Variants in HIVEP3 observed in about 807,000 individuals in gnomAD.
HIVEP3 encodes transcription factor HIVEP3.
A neutral mutation model predicts 152.8 loss-of-function variants in HIVEP3; 49 were observed. That is an observed-to-expected ratio of 0.32 (90% CI 0.26 to 0.41). The LOEUF (loss-of-function observed/expected upper bound fraction) is 0.41. HIVEP3 is among the 10% of genes least tolerant of loss of function. The pLI is 1.00. For synonymous variants in HIVEP3, 1,269 were observed against 1,289.0 expected, an observed-to-expected ratio of 0.98 and a Z score of 0.33; for missense variants, 2,790 against 3,103.3, an observed-to-expected ratio of 0.90 and a Z score of 2.40.
chr1:41,795,322 C>T (rs779901006), intron 1 of HIVEP3, among the ~76,000 whole-genome samples: 33 of 152,210 alleles, frequency 2.2e-4, no homozygotes, highest in Middle Eastern at 3.4e-3. Flanking sequence ...TATGTTTTCT[C>T]GTGATTAAAC....
At chr1:41,557,815 A>G (rs1226810861) in intron 5 of HIVEP3, among the ~76,000 whole-genome samples, 1 of 152,192 alleles carries the variant, frequency 6.6e-6, no homozygotes, top group Non-Finnish European at 1.5e-5. Context: ...TCTTGTTTCA[A>G]CGGTGACCCC....
chr1:41,731,430 G>A (rs1316128533), intron 1 of HIVEP3, among the ~76,000 whole-genome samples: 1 of 152,220 alleles, frequency 6.6e-6, no homozygotes, highest in Non-Finnish European at 1.5e-5. Context: ...AGCAGGTGCT[G>A]GGGGTAGTCA....
At chr1:41,586,473 C>G (rs1644507987) in intron 3 of HIVEP3, among the ~76,000 whole-genome samples, 1 of 152,236 alleles carries the variant, frequency 6.6e-6, no homozygotes, top group South Asian at 2.1e-4. Flanking sequence ...TCTCAGGTGT[C>G]CATCCCCTGG....
At chr1:41,957,294 T>A (rs1465358620) in intron 1 of HIVEP3, among the ~76,000 whole-genome samples, 1 of 152,192 alleles carries the variant, frequency 6.6e-6, no homozygotes, top group Non-Finnish European at 1.5e-5. Flanking sequence ...AATCCAAAAC[T>A]GTTACTATAC....
At chr1:41,896,801 C>T (rs1644536075) in intron 1 of HIVEP3, among the ~76,000 whole-genome samples, 2 of 152,046 alleles carry the variant, frequency 1.3e-5, no homozygotes, top group South Asian at 4.2e-4. Flanking sequence ...GTCTCAATCT[C>T]CTGACCTCGT....
At chr1:41,797,071 C>T (rs1007081034) in intron 1 of HIVEP3, among the ~76,000 whole-genome samples, 3 of 152,214 alleles carry the variant, frequency 2.0e-5, no homozygotes, top group African/African-American at 7.2e-5. Flanking sequence ...CTTTCTCACT[C>T]AGAGTTCTCC....
chr1:41,878,211 G>GAGT (rs1401984531), intron 1 of HIVEP3, among the ~76,000 whole-genome samples: 1 of 152,182 alleles, frequency 6.6e-6, no homozygotes, highest in East Asian at 1.9e-4. Context: ...TAAGCACCAT[G>GAGT]AGTTGGCACT....
Position 41,511,227 on chromosome 1 carries a change from G to A in HIVEP3, c.6445C>T (p.Pro2149Ser). Residue 2149 changes from proline to serine, a missense_variant, in exon 9 of 9, where the codon CCT becomes TCT. Pro to Ser is a moderately conservative substitution (Grantham distance 74). Coordinates refer to ENST00000372583, the MANE Select transcript of HIVEP3 (RefSeq NM_024503.5). This position sits in a 1 kb window ranked among gnomAD's most constrained non-coding sequence, Gnocchi z 4.9. ...GGTCGGGAGGAGAGAGGATGAGCAGGGCCGGGTGAGCAGGAGGGACTTCGG... is the reference window on the plus strand; with the variant it reads ...GGTCGGGAGGAGAGAGGATGAGCAGAGCCGGGTGAGCAGGAGGGACTTCGG... The part of the protein sequence containing the change: ...ESRSPSCSPG[P>S]AHPLSSRPFS... 1 of 1,612,854 alleles carries A rather than the reference G, an allele frequency of 6.2e-7. No individual in the cohort carries two copies.
intron 3 of HIVEP3, among the ~76,000 whole-genome samples, chr1:41,611,597 G>C (rs1644897515): frequency 6.6e-6 from 1 of 152,216 alleles, no homozygotes; most frequent in African/African-American, 2.4e-5. Context: ...GGCAGGCAGG[G>C]GGTCTGCAGT....
intron 1 of HIVEP3, among the ~76,000 whole-genome samples, chr1:41,837,090 C>T (rs1019612479): frequency 4.6e-5 from 7 of 152,192 alleles, no homozygotes; most frequent in South Asian, 4.1e-4. Flanking sequence ...CAATAATTCC[C>T]GCCCAATGGC....
intron 1 of HIVEP3, among the ~76,000 whole-genome samples, chr1:41,834,509 C>T (rs1379560610): frequency 6.6e-6 from 1 of 152,204 alleles, no homozygotes; most frequent in East Asian, 1.9e-4. Context: ...AAGGGTCTGA[C>T]TCAGGCAGAA....
At chr1:41,630,296 G>T (rs758167053) in intron 2 of HIVEP3, among the ~76,000 whole-genome samples, 1 of 152,044 alleles carries the variant, frequency 6.6e-6, no homozygotes, top group African/African-American at 2.4e-5. Flanking sequence ...GAGAGGGAGG[G>T]ACAAGGGCTG....
At chr1:41,728,656 G>C (rs1166331481) in intron 1 of HIVEP3, among the ~76,000 whole-genome samples, 1 of 152,204 alleles carries the variant, frequency 6.6e-6, no homozygotes, top group Non-Finnish European at 1.5e-5. Flanking sequence ...CATGCCACTG[G>C]GGATGCTACA....
chr1:41,952,422 G>GTTCA (rs142386133), intron 1 of HIVEP3, among the ~76,000 whole-genome samples: 13,658 of 151,052 alleles, frequency 0.09, 1,368 homozygotes, highest in African/African-American at 0.24. Flanking sequence ...ATTTTCTTTT[G>GTTCA]TTCATTCATT....
intron 1 of HIVEP3, among the ~76,000 whole-genome samples, chr1:41,904,799 G>C (rs1157755796): frequency 6.6e-6 from 1 of 152,224 alleles, no homozygotes; most frequent in Non-Finnish European, 1.5e-5. Context: ...TCTGGATTAA[G>C]GGCTGTGAGG....
intron 1 of HIVEP3, among the ~76,000 whole-genome samples, chr1:41,712,990 G>T (rs1301480427): frequency 6.6e-6 from 1 of 152,188 alleles, no homozygotes; most frequent in African/African-American, 2.4e-5. Flanking sequence ...AAGTCTTGGT[G>T]TCAGACACAC....
chr1:41,530,339 G>A (rs1643209015), intron 5 of HIVEP3, among the ~76,000 whole-genome samples: 1 of 152,222 alleles, frequency 6.6e-6, no homozygotes, highest in Non-Finnish European at 1.5e-5. Flanking sequence ...CTGTGGCCAA[G>A]CACGAGGCAT....
At chr1:41,739,990 C>A (rs1324578666) in intron 1 of HIVEP3, among the ~76,000 whole-genome samples, 1 of 152,222 alleles carries the variant, frequency 6.6e-6, no homozygotes, top group African/African-American at 2.4e-5. Flanking sequence ...ACGGCATAAC[C>A]AGGAAGTTGT....
intron 1 of HIVEP3, among the ~76,000 whole-genome samples, chr1:41,987,149 T>C (rs1645328480): frequency 2.0e-5 from 3 of 152,204 alleles, no homozygotes; most frequent in Admixed American, 1.3e-4. Context: ...GTTTCTGCCC[T>C]CTTGAAGCTT....
Sources: allele counts gnomAD v4.1 joint callset (sites outside exome capture counted in the v4.1 genomes callset), GRCh38; gene constraint gnomAD v4.1.1; non-coding constraint Gnocchi (gnomAD v3.1); transcripts MANE v1.5; gene names NCBI Gene and HGNC (gene_info 2026-07-23, HGNC 2026-07-21).